The following PHKA2 variants were observed in gnomAD, a reference collection of about 807,000 sequenced individuals.
PHKA2 encodes phosphorylase kinase regulatory subunit alpha 2.
PHKA2 carries 31 observed loss-of-function variants against 102.0 expected under a neutral mutation model. The ratio of observed to expected loss-of-function variants is 0.30; its 90% CI spans 0.23 to 0.41. PHKA2 has a LOEUF of 0.41. Ranked by LOEUF, PHKA2 falls within the 10% of genes least tolerant of loss-of-function variation. PHKA2 has a pLI of 1.00. For synonymous variants in PHKA2, 455 were observed against 416.2 expected, an observed-to-expected ratio of 1.09 and a Z score of -1.13; for missense variants, 858 against 1,023.1, an observed-to-expected ratio of 0.84 and a Z score of 2.20.
chrX:18,916,679 C>T (rs896298522), intron 19 of PHKA2, among the ~76,000 whole-genome samples: 5 of 110,995 alleles, frequency 4.5e-5, no homozygotes, highest in African/African-American at 1.3e-4. Context: ...TTCCTACTGT[C>T]GCCATGTGAA....
chrX:18,957,882 G>A (rs1317101927), intron 1 of PHKA2, among the ~76,000 whole-genome samples: 8 of 108,502 alleles, frequency 7.4e-5, no homozygotes, highest in African/African-American at 2.7e-4. Context: ...CTTTTGAGAT[G>A]GAGTTTCGCT....
intron 19 of PHKA2, among the ~76,000 whole-genome samples, chrX:18,916,465 T>A (rs1209371776): frequency 8.9e-6 from 1 of 112,091 alleles, no homozygotes; most frequent in Non-Finnish European, 1.9e-5. Flanking sequence ...ATTTCTGATA[T>A]GGTTTGAATG....
chrX:18,897,041 C>A (rs773477977), intron 30 of PHKA2, 122 bp downstream of exon 30: 5 of 826,854 alleles, frequency 6.0e-6, no homozygotes, highest in Non-Finnish European at 9.1e-6. Context: ...CAGGTGCCAA[C>A]AGCGCTGAGG....
At chrX:18,967,092 C>G (rs1460840191) in intron 1 of PHKA2, among the ~76,000 whole-genome samples, 2 of 111,247 alleles carry the variant, frequency 1.8e-5, no homozygotes, top group Non-Finnish European at 3.8e-5. Context: ...AGGCTGCCGA[C>G]TGGGTGGTGG....
chrX:18,952,377 T>A, intron 3 of PHKA2, 117 bp downstream of exon 3: 2 of 635,857 alleles, frequency 3.1e-6, no homozygotes, highest in Non-Finnish European at 2.6e-6. Context: ...AGCAAAATAT[T>A]TTCAATTTCT....
chrX:18,936,175 G>A (rs373512692), intron 10 of PHKA2, 25 bp from the exon 11 acceptor site: 11 of 1,041,019 alleles, frequency 1.1e-5, no homozygotes, highest in Admixed American at 2.3e-5. Flanking sequence ...CATCATCCAT[G>A]GCAGGAAGGA....
Position 18,907,086 on chromosome X carries a change from G to T in PHKA2, c.2529C>A (p.Asp843Glu), listed in dbSNP as rs768440021. 8.4e-7 allele frequency: 1 copy of T among 1,184,529 alleles called. No individual in the cohort carries two copies. Among genetic ancestry groups the T allele is most frequent in the Non-Finnish European group, 1.1e-6 (1 of 880,366 alleles). The change falls in exon 23 of 33, where the codon GAC becomes GAA. Residue 843 changes from aspartate (D) to glutamate (E), a missense_variant. Transcript: ENST00000379942. ...KVEVLAEACT[D>E]LLSHQKQLTV... ...TGAGCTGCTTCTGGTGCGAAAGCAG[G>T]TCTGTGCAGGCCTGCGCAGTTAAGG... is the stretch of plus-strand genomic sequence containing the variant.
chrX:18,906,817 A>G lies in PHKA2; in HGVS notation c.2598-3T>C, dbSNP rs755085335. On this transcript the variant is annotated splice_region_variant and splice_polypyrimidine_tract_variant and intron_variant, in intron 23 of 32. Transcript: ENST00000379942. ...TGAGCTCCTCTGGGGGAAGGGGCCT[A>G]GAAAGGAGCATTGTGTCACGAATGT... 1 of 1,202,011 alleles carries G rather than the reference A, an allele frequency of 8.3e-7. No homozygotes were observed.
chrX:18,903,286 A>G (rs1748210991), intron 26 of PHKA2, among the ~76,000 whole-genome samples: 1 of 112,335 alleles, frequency 8.9e-6, no homozygotes, highest in Non-Finnish European at 1.9e-5. Context: ...AATATACCCA[A>G]TCCTATTTGT....
At position 18,918,842 on chromosome X, in the gene PHKA2, T is replaced by G. The variant is rs748884082; in HGVS notation, c.1976A>C (p.Glu659Ala). The stretch of plus-strand genomic sequence containing the variant: ...AAGGTGGTTGATATAATGGTCAAGT[T>G]CGTCTTGGCTTTCTGTAATTGGACA... Reference protein sequence around the residue: ...EDTCNQESQDELDHYINHLLQ... With the variant: ...EDTCNQESQDALDHYINHLLQ... Residue 659 changes from glutamate to alanine, a missense_variant, in exon 19 of 33, where the codon GAA becomes GCA. Physicochemically the swap from Glu to Ala is moderately radical, Grantham distance 107. Coordinates refer to ENST00000379942, the MANE Select transcript of PHKA2 (RefSeq NM_000292.3). The G allele has an allele frequency of 8.3e-7, 1 of 1,208,811 alleles. No individual in the cohort carries two copies. Among genetic ancestry groups the G allele is most frequent in the African/African-American group, 1.8e-5 (1 of 57,000 alleles).
chrX:18,937,043 A>G (rs1010157258), intron 10 of PHKA2, among the ~76,000 whole-genome samples: 1 of 111,649 alleles, frequency 9.0e-6, no homozygotes, highest in African/African-American at 3.3e-5. Flanking sequence ...CCTAAGAGAA[A>G]GCATCAACAG....
At position 18,954,277 on chromosome X, in the gene PHKA2, C is replaced by T; in HGVS notation, c.214G>A (p.Ala72Thr). ...ACCTGCTCCAGCTCGTAGGCCTTGG[C>T]CTTGTCCTCATCGCGGTCTGCATTC... is the stretch of plus-strand genomic sequence containing the variant. ...RKNADRDEDK[A>T]KAYELEQNVV... The change falls in exon 2 of 33, where the codon GCC becomes ACC. Residue 72 changes from alanine (A) to threonine (T), a missense_variant. Physicochemically the swap from Ala to Thr is moderately conservative, Grantham distance 58. Around this residue, in one of 2 missense-constraint regions of PHKA2, gnomAD observed 187 missense variants for 277.9 expected, o/e 0.67. Coordinates refer to ENST00000379942, the MANE Select transcript of PHKA2 (RefSeq NM_000292.3). The T allele has an allele frequency of 8.3e-7, 1 of 1,212,017 alleles. No homozygotes were observed.
intron 16 of PHKA2, 120 bp downstream of exon 16, chrX:18,924,261 C>T (rs1431205892): frequency 3.3e-5 from 32 of 964,177 alleles, no homozygotes; most frequent in Non-Finnish European, 4.8e-5. Flanking sequence ...AGATAAGAAA[C>T]CAAACTGCTA....
intron 31 of PHKA2, chrX:18,894,863 T>G: frequency 2.4e-6 from 1 of 422,474 alleles, no homozygotes; most frequent in Non-Finnish European, 4.1e-6. Context: ...ATTGGCTCCT[T>G]TCTTTCACCA....
intron 7 of PHKA2, 59 bp downstream of exon 7, chrX:18,943,651 C>T: frequency 2.2e-6 from 2 of 929,445 alleles, no homozygotes; most frequent in Non-Finnish European, 3.1e-6. Context: ...GCACTGGATC[C>T]CAGGCCTTCC....
intron 17 of PHKA2, among the ~76,000 whole-genome samples, chrX:18,922,733 T>A (rs1341819346): frequency 9.0e-6 from 1 of 111,638 alleles, no homozygotes; most frequent in Non-Finnish European, 1.9e-5. Context: ...TATTAATGGG[T>A]GTACAGTTTT....
At position 18,900,653 on chromosome X, in the gene PHKA2, A is replaced by C. The variant is rs1280810750; in HGVS notation, c.3057+17T>G. 2.5e-6 allele frequency: 3 copies of C among 1,199,126 alleles called. No homozygotes were observed. Among genetic ancestry groups the C allele is most frequent in the Middle Eastern group, 4.6e-4 (2 of 4,321 alleles). On this transcript the variant is annotated intron_variant, in intron 28 of 32. Transcript: ENST00000379942. Reference sequence around the variant, plus strand: ...AAGAACAGGAAGTAAAGGACGAACAAGGCAAAGGGGTGTCACCTGTTCATC... The same window carrying C: ...AAGAACAGGAAGTAAAGGACGAACACGGCAAAGGGGTGTCACCTGTTCATC...
In PHKA2 at chrX:18,894,139, G is replaced by A. The variant is rs891090025; in HGVS notation, c.3537+65C>T. 22 of 993,887 alleles carry A rather than the reference G, an allele frequency of 2.2e-5. No homozygotes were observed. In the Admixed American group the frequency reaches 3.6e-4, roughly 16 times the overall value. 81.9% of individuals were successfully genotyped at this position (993,887 alleles called of 1,213,427 possible). ...TGGTTCGAGTATATTCTTTCCTATT[G>A]GACACAGAATCTCCAGCCTCAACAG... On this transcript the variant is annotated intron_variant, in intron 32 of 32. Coordinates refer to ENST00000379942, the MANE Select transcript of PHKA2 (RefSeq NM_000292.3).
intron 1 of PHKA2, among the ~76,000 whole-genome samples, chrX:18,978,414 A>T (rs1237981844): frequency 1.8e-5 from 2 of 111,612 alleles, no homozygotes; most frequent in Non-Finnish European, 3.8e-5. Context: ...AATCGTTTTT[A>T]AAGTTATATA....
Sources: gnomAD v4.1 joint callset for allele counts (sites outside exome capture counted in the v4.1 genomes callset) on GRCh38, gnomAD v4.1.1 for gene constraint, gnomAD v4.1.1 regional missense constraint, MANE v1.5 for transcripts, NCBI Gene and HGNC (gene_info 2026-07-23, HGNC 2026-07-21) for gene names.